The following MEIKIN variants were observed in gnomAD, a reference collection of about 807,000 sequenced individuals.
MEIKIN encodes meiotic kinetochore factor, also known as meiosis-specific kinetochore protein.
chr5:131,883,935 C>T (rs1750736066), intron 8 of MEIKIN, among the ~76,000 whole-genome samples: 1 of 152,202 alleles, frequency 6.6e-6, no homozygotes, highest in Non-Finnish European at 1.5e-5. Flanking sequence ...CTGGGCTGAA[C>T]TCAGCTGGTG....
chr5:131,878,779 A>G, intron 9 of MEIKIN, 199 bp downstream of exon 9: 1 of 354,596 alleles, frequency 2.8e-6, no homozygotes, highest in South Asian at 1.5e-4. Context: ...GGGGGTTGAA[A>G]CAGGAGAACA....
intron 8 of MEIKIN, among the ~76,000 whole-genome samples, chr5:131,893,916 G>C (rs1470409213): frequency 2.0e-5 from 3 of 152,104 alleles, no homozygotes; most frequent in East Asian, 1.9e-4. Context: ...GATCCCATTT[G>C]TCTATTTTTG....
intron 8 of MEIKIN, among the ~76,000 whole-genome samples, chr5:131,882,558 CTATT>C (rs1293357944): frequency 6.6e-6 from 1 of 152,052 alleles, no homozygotes; most frequent in Non-Finnish European, 1.5e-5. Flanking sequence ...ACCTATGGGG[CTATT>C]TAAATTCATT....
At chr5:131,867,758 A>G (rs1283321868) in intron 9 of MEIKIN, among the ~76,000 whole-genome samples, 4 of 152,194 alleles carry the variant, frequency 2.6e-5, no homozygotes, top group African/African-American at 9.6e-5. Context: ...ACCACAGTTT[A>G]TTTATGCATT....
chr5:131,894,306 G>A (rs1209449243), intron 8 of MEIKIN, among the ~76,000 whole-genome samples: 1 of 152,204 alleles, frequency 6.6e-6, no homozygotes, highest in Non-Finnish European at 1.5e-5. Context: ...CTGTAGCCTT[G>A]TAGTATAGTT....
At chr5:131,827,329 G>A (rs4540167) in intron 11 of MEIKIN, among the ~76,000 whole-genome samples, 97,165 of 151,930 alleles carry the variant, frequency 0.64, 32,957 homozygotes, top group Non-Finnish European at 0.77. Flanking sequence ...AGAAGAAAAG[G>A]GAGGCATACA....
chr5:131,860,611 A>ATT (rs201743541), intron 9 of MEIKIN, among the ~76,000 whole-genome samples: 4 of 81,460 alleles, frequency 4.9e-5, no homozygotes, highest in Admixed American at 1.3e-4. Context: ...TGCCAGGATA[A>ATT]TTTTTTTTTT....
chr5:131,846,638 T>A (rs1218271270), intron 11 of MEIKIN, among the ~76,000 whole-genome samples: 1 of 152,224 alleles, frequency 6.6e-6, no homozygotes, highest in African/African-American at 2.4e-5. Context: ...CTGACAAACA[T>A]GACAAAACCC....
At chr5:131,817,142 G>A (rs769062785) in intron 12 of MEIKIN, among the ~76,000 whole-genome samples, 4 of 152,104 alleles carry the variant, frequency 2.6e-5, no homozygotes, top group Non-Finnish European at 5.9e-5. Context: ...TTGGACCTTA[G>A]AACTCCAGGT....
intron 8 of MEIKIN, among the ~76,000 whole-genome samples, chr5:131,881,603 A>C (rs946443140): frequency 1.3e-5 from 2 of 152,230 alleles, no homozygotes; most frequent in Admixed American, 1.3e-4. Context: ...CCTGCATCAT[A>C]AACTGCCTTC....
chr5:131,827,689 A>C (rs1442779463), intron 11 of MEIKIN, among the ~76,000 whole-genome samples: 2 of 152,222 alleles, frequency 1.3e-5, no homozygotes, highest in Non-Finnish European at 2.9e-5. Flanking sequence ...ATAAACATGC[A>C]TGGAATAAAT....
intron 11 of MEIKIN, among the ~76,000 whole-genome samples, chr5:131,849,899 A>G (rs938809529): frequency 6.6e-6 from 1 of 152,120 alleles, no homozygotes; most frequent in African/African-American, 2.4e-5. Context: ...CTGTTCACAG[A>G]CAACATGGTA....
intron 9 of MEIKIN, among the ~76,000 whole-genome samples, chr5:131,865,224 ATTT>A (rs34459901): frequency 2.7e-5 from 4 of 145,876 alleles, no homozygotes; most frequent in African/African-American, 5.0e-5. Flanking sequence ...GGATTTTGTG[ATTT>A]TTTTTTTTTT....
rs191020736 is a variant in MEIKIN, at chr5:131,908,774, A to G, written c.703+3041T>C. 5.3e-5 allele frequency among the ~76,000 whole-genome samples: 8 copies of G among 152,352 alleles called. No individual in the cohort carries two copies. The East Asian group carries it at 7.7e-4, about 15-fold the overall frequency. ...ACATATAAAAATCAGTGGCATTTTC[A>G]TATGCCAACTGTGAACAACCTGAAA... On this transcript the variant is annotated intron_variant, in intron 8 of 12. Coordinates refer to ENST00000442687, the MANE Select transcript of MEIKIN (RefSeq NM_001303622.2).
intron 5 of MEIKIN, among the ~76,000 whole-genome samples, chr5:131,925,231 G>T (rs764040807): frequency 6.6e-6 from 1 of 152,086 alleles, no homozygotes; most frequent in Non-Finnish European, 1.5e-5. Context: ...TTCCTACTTT[G>T]TTCTTCTCAA....
chr5:131,862,711 T>A (rs1348192628), intron 9 of MEIKIN, among the ~76,000 whole-genome samples: 3 of 152,178 alleles, frequency 2.0e-5, no homozygotes, highest in Admixed American at 2.0e-4. Context: ...AATTTTTTTT[T>A]AAAAGACAAG....
chr5:131,827,565 G>C lies in MEIKIN; in HGVS notation c.976-8702C>G, dbSNP rs377515691. On this transcript the variant is annotated intron_variant, in intron 11 of 12. Coordinates refer to ENST00000442687, the MANE Select transcript of MEIKIN (RefSeq NM_001303622.2). Reference sequence around the variant, plus strand: ...CAAGGAAATATGTAAAGAAAAGTGGGATAACTATATAGCAGACAAAACAGA... The same window carrying C: ...CAAGGAAATATGTAAAGAAAAGTGGCATAACTATATAGCAGACAAAACAGA... Among the ~76,000 whole-genome samples the C allele has an allele frequency of 6.6e-5, 10 of 152,058 alleles. No individual in the cohort carries two copies. The East Asian group carries it at 9.6e-4, about 15-fold the overall frequency.
Position 131,923,834 on chromosome 5 carries a change from G to A in MEIKIN, c.479-1893C>T, listed in dbSNP as rs56397280. Among the ~76,000 whole-genome samples the A allele has an allele frequency of 7.5e-3, 606 of 80,374 alleles. 1 individual carries two copies. Among genetic ancestry groups the A allele is most frequent in the Non-Finnish European group, 0.012 (443 of 37,298 alleles). 52.7% of individuals were successfully genotyped at this position (80,374 alleles called of 152,430 possible). On this transcript the variant is annotated intron_variant, in intron 5 of 12. Transcript: ENST00000442687. ...TTTAATATTTAAAATTATTTTTATA[G>A]TTAGAACACTTAACATGAGATCTAC...
At chr5:131,848,788 C>A (rs1750061350) in intron 11 of MEIKIN, among the ~76,000 whole-genome samples, 1 of 152,038 alleles carries the variant, frequency 6.6e-6, no homozygotes, top group Non-Finnish European at 1.5e-5. Context: ...ACTAGCAAAC[C>A]AAATTCAGCA....
Sources: gnomAD v4.1 joint callset for allele counts (sites outside exome capture counted in the v4.1 genomes callset) on GRCh38, gnomAD v4.1.1 for gene constraint, MANE v1.5 for transcripts, NCBI Gene and HGNC (gene_info 2026-07-23, HGNC 2026-07-21) for gene names.